The following SLC24A3 variants were observed in gnomAD, a reference collection of about 807,000 sequenced individuals.
The protein encoded by SLC24A3 is solute carrier family 24 member 3.
A neutral mutation model predicts 75.8 loss-of-function variants in SLC24A3; 28 were observed. The observed-to-expected ratio is 0.37, with a 90% CI of 0.27 to 0.51. The LOEUF (loss-of-function observed/expected upper bound fraction) is 0.51, where lower values mean the gene tolerates loss of function less well. SLC24A3 is among the 20% of genes least tolerant of loss of function. SLC24A3 has a pLI of 0.94. For missense variants in SLC24A3, 663 were observed against 847.8 expected, an observed-to-expected ratio of 0.78 and a Z score of 2.71; for synonymous variants, 372 against 334.1, an observed-to-expected ratio of 1.11 and a Z score of -1.24.
Position 19,685,194 on chromosome 20 carries a change from G to T in SLC24A3, c.1157G>T (p.Gly386Val). 6.2e-7 allele frequency: 1 copy of T among 1,614,160 alleles called. No individual in the cohort carries two copies. Among genetic ancestry groups the T allele is most frequent in the Non-Finnish European group, 8.5e-7 (1 of 1,180,026 alleles). ...AAGCACACCGTGGAGAATGGGACAGGGCCCAGCAGTGCCCCAGACAGGGGC... is the reference window on the plus strand; with the variant it reads ...AAGCACACCGTGGAGAATGGGACAGTGCCCAGCAGTGCCCCAGACAGGGGC... The part of the protein sequence containing the change: ...PIKHTVENGT[G>V]PSSAPDRGVN... Residue 386 changes from glycine (G) to valine (V), a missense_variant, in exon 12 of 17, where the codon GGG becomes GTG. Transcript: ENST00000328041.
chr20:19,448,779 G>T (rs952424107), intron 2 of SLC24A3, among the ~76,000 whole-genome samples: 1 of 152,194 alleles, frequency 6.6e-6, no homozygotes, highest in Admixed American at 6.5e-5. Flanking sequence ...CCAGAAAATG[G>T]TCAAAGAGTC....
chr20:19,378,485 C>T (rs1223239282), intron 2 of SLC24A3, among the ~76,000 whole-genome samples: 1 of 152,158 alleles, frequency 6.6e-6, no homozygotes, highest in Admixed American at 6.5e-5. Context: ...ATTGGGTCCA[C>T]ATGGTTGGCA....
intron 2 of SLC24A3, among the ~76,000 whole-genome samples, chr20:19,327,231 G>A (rs1214096948): frequency 3.3e-5 from 5 of 152,172 alleles, no homozygotes; most frequent in African/African-American, 1.2e-4. Flanking sequence ...GGTCACTGTT[G>A]ACTCCCGTGT....
intron 15 of SLC24A3, among the ~76,000 whole-genome samples, chr20:19,699,223 T>G (rs1308012070): frequency 1.3e-5 from 2 of 152,258 alleles, no homozygotes; most frequent in African/African-American, 4.8e-5. Flanking sequence ...GTACTTAGAC[T>G]TGCTTCACCT....
intron 2 of SLC24A3, among the ~76,000 whole-genome samples, chr20:19,433,848 T>G (rs1987148686): frequency 6.6e-6 from 1 of 152,208 alleles, no homozygotes; most frequent in Admixed American, 6.5e-5. Context: ...TAAAGGTTCT[T>G]TTCTTTTCTC....
intron 4 of SLC24A3, among the ~76,000 whole-genome samples, chr20:19,581,303 A>G (rs1409248368): frequency 1.3e-5 from 2 of 152,062 alleles, no homozygotes; most frequent in South Asian, 2.1e-4. Context: ...AAATACCACT[A>G]TTGGGTGTTT....
chr20:19,627,326 C>G (rs2122682647), intron 6 of SLC24A3, among the ~76,000 whole-genome samples: 1 of 152,290 alleles, frequency 6.6e-6, no homozygotes, highest in Admixed American at 6.5e-5. Flanking sequence ...TCCATTATGT[C>G]TAAATTCTTC....
chr20:19,509,937 T>A (rs999782562), intron 2 of SLC24A3, among the ~76,000 whole-genome samples: 1 of 152,234 alleles, frequency 6.6e-6, no homozygotes, highest in Admixed American at 6.5e-5. Context: ...GAGGACACTT[T>A]TCTTGACTCC....
Position 19,678,671 on chromosome 20 carries a change from C to T in SLC24A3, c.768-3187C>T, listed in dbSNP as rs561094353. ...CCCTCCACCTCCCTCCCGGACACGG[C>T]GGCTGCCGGGCGGAGACGCTCCTCA... is the stretch of plus-strand genomic sequence containing the variant. On this transcript the variant is annotated intron_variant, in intron 9 of 16. Transcript: ENST00000328041. 1.5e-3 allele frequency among the ~76,000 whole-genome samples: 222 copies of T among 147,356 alleles called. 6 individuals carry two copies. Among genetic ancestry groups the T allele is most frequent in the Middle Eastern group, 0.014 (4 of 284 alleles).
intron 2 of SLC24A3, among the ~76,000 whole-genome samples, chr20:19,476,798 C>G (rs112692752): frequency 5.3e-5 from 8 of 152,114 alleles, no homozygotes; most frequent in African/African-American, 1.9e-4. Context: ...TCCCAAAGCA[C>G]AAAAAATTCC....
At chr20:19,642,677 T>G (rs536993142) in intron 6 of SLC24A3, among the ~76,000 whole-genome samples, 1 of 152,348 alleles carries the variant, frequency 6.6e-6, no homozygotes, top group East Asian at 1.9e-4. Flanking sequence ...AACTACACTC[T>G]GCTGAGATGG....
chr20:19,402,593 A>G (rs1406888117), intron 2 of SLC24A3, among the ~76,000 whole-genome samples: 2 of 152,262 alleles, frequency 1.3e-5, no homozygotes, highest in Admixed American at 1.3e-4. Flanking sequence ...AAAAATAATA[A>G]CAACAAACAG....
At chr20:19,332,625 A>G (rs1985026512) in intron 2 of SLC24A3, among the ~76,000 whole-genome samples, 1 of 152,186 alleles carries the variant, frequency 6.6e-6, no homozygotes, top group South Asian at 2.1e-4. Flanking sequence ...CTGGGGAAGA[A>G]TAAATAGAAA....
At chr20:19,496,223 A>C (rs1568634644) in intron 2 of SLC24A3, among the ~76,000 whole-genome samples, 1 of 152,178 alleles carries the variant, frequency 6.6e-6, no homozygotes, top group Non-Finnish European at 1.5e-5. Flanking sequence ...CTAGTCTAGC[A>C]TCAGTCCATC....
At chr20:19,216,066 C>T (rs997835303) in intron 1 of SLC24A3, among the ~76,000 whole-genome samples, 2 of 152,174 alleles carry the variant, frequency 1.3e-5, no homozygotes, top group African/African-American at 4.8e-5. Flanking sequence ...ACACTCTTTT[C>T]GGAGGCATGA....
At chr20:19,336,833 A>G (rs1227662808) in intron 2 of SLC24A3, among the ~76,000 whole-genome samples, 1 of 152,074 alleles carries the variant, frequency 6.6e-6, no homozygotes, top group Non-Finnish European at 1.5e-5. Context: ...TAAAACCGGT[A>G]GGCCTTACTA....
chr20:19,429,351 T>G (rs570173595), intron 2 of SLC24A3, among the ~76,000 whole-genome samples: 1 of 152,236 alleles, frequency 6.6e-6, no homozygotes, highest in Non-Finnish European at 1.5e-5. Flanking sequence ...GAAAAGAGAA[T>G]TACACCTTTG....
intron 2 of SLC24A3, among the ~76,000 whole-genome samples, chr20:19,329,274 AAAAG>A (rs1309920014): frequency 6.6e-6 from 1 of 152,226 alleles, no homozygotes; most frequent in Admixed American, 6.5e-5. Context: ...TAATAATAAA[AAAAG>A]AAAAAAGCTT....
intron 8 of SLC24A3, among the ~76,000 whole-genome samples, chr20:19,672,951 G>A (rs1411522351): frequency 6.6e-6 from 1 of 152,152 alleles, no homozygotes; most frequent in East Asian, 1.9e-4. Context: ...TAGCTAAAGC[G>A]AAACCTGGAA....
Sources: gnomAD v4.1 joint callset for allele counts (sites outside exome capture counted in the v4.1 genomes callset) on GRCh38, gnomAD v4.1.1 for gene constraint, MANE v1.5 for transcripts, NCBI Gene and HGNC (gene_info 2026-07-23, HGNC 2026-07-21) for gene names.